The following JAKMIP1 variants were observed in gnomAD, a reference collection of about 807,000 sequenced individuals.
JAKMIP1 encodes the protein janus kinase and microtubule-interacting protein 1.
In JAKMIP1, 33 loss-of-function variants were observed where a neutral mutation model predicts 113.0. That is an observed-to-expected ratio of 0.29 (90% CI 0.22 to 0.39). The LOEUF is 0.39. Among genes scored for constraint, JAKMIP1 ranks in the 10% least tolerant of loss-of-function variants. JAKMIP1 has a pLI of 1.00. For synonymous variants in JAKMIP1, 480 were observed against 459.9 expected, an observed-to-expected ratio of 1.04 and a Z score of -0.56; for missense variants, 813 against 1,080.5, an observed-to-expected ratio of 0.75 and a Z score of 3.47.
chr4:6,072,634 G>A (rs536194684), intron 8 of JAKMIP1, among the ~76,000 whole-genome samples: 41 of 152,332 alleles, frequency 2.7e-4, no homozygotes, highest in African/African-American at 9.4e-4. Context: ...CTCTCTGAGT[G>A]CAGGGCACTG....
intron 13 of JAKMIP1, 21 bp downstream of exon 13, chr4:6,054,029 A>G: frequency 6.2e-7 from 1 of 1,614,252 alleles, no homozygotes; most frequent in South Asian, 1.1e-5. Context: ...TTGAGAGTTT[A>G]CAACAGATAG....
Position 6,054,256 on chromosome 4 carries a change from G to A in JAKMIP1, c.1708-108C>T, listed in dbSNP as rs181845162. The A allele has an allele frequency of 1.2e-4, 125 of 1,063,614 alleles. 1 individual carries two copies. In the African/African-American group the frequency reaches 1.7e-3, roughly 14 times the overall value. The allele number at this position is 1,063,614 out of a possible 1,614,324, so 65.9% of individuals were successfully genotyped here. On this transcript the variant is annotated intron_variant, in intron 12 of 20. Transcript: ENST00000409021. ...GGAGGGAAACAGACGACTGGCCACG[G>A]AGGCAAGGGGCAGGAGAGGGCAGGG...
At position 6,102,612 on chromosome 4, in the gene JAKMIP1, TA is replaced by T. The variant is rs200794396; in HGVS notation, c.624+2860del. Among the ~76,000 whole-genome samples, 880 of 152,284 alleles carry T rather than the reference TA, an allele frequency of 5.8e-3. 14 individuals carry two copies. The highest frequency in any genetic ancestry group is 9.7e-3 in the Non-Finnish European group (662 of 68,030). On this transcript the variant is annotated intron_variant, in intron 3 of 20. Transcript: ENST00000409021. The stretch of plus-strand genomic sequence containing the variant: ...TATATATAAGTTACCCAGTCTGTGT[TA>T]TTTTGTTATAGCAACAGTAATGAAC...
At chr4:6,072,876 C>G (rs1381450212) in intron 8 of JAKMIP1, among the ~76,000 whole-genome samples, 1 of 151,962 alleles carries the variant, frequency 6.6e-6, no homozygotes, top group South Asian at 2.1e-4. Context: ...GTCAGGAGTT[C>G]GAGACCAGCC....
chr4:6,124,186 G>A (rs1217595562), intron 1 of JAKMIP1, among the ~76,000 whole-genome samples: 2 of 152,174 alleles, frequency 1.3e-5, no homozygotes, highest in East Asian at 1.9e-4. Flanking sequence ...CCGTGCGGAC[G>A]GCACCACGTG....
Position 6,142,356 on chromosome 4 carries a change from T to G in JAKMIP1, c.-147-29359A>C, listed in dbSNP as rs550960039. On this transcript the variant is annotated intron_variant, in intron 1 of 20. Coordinates refer to ENST00000409021, the MANE Select transcript of JAKMIP1 (RefSeq NM_001099433.2). This position sits in a 1 kb window ranked among gnomAD's most constrained non-coding sequence, Gnocchi z 5.5. ...GGAAAGGGAGCCCCCGGGAGCTCTG[T>G]GCTTTAAAAGGGCAGTTTCTCGTGT... Among the ~76,000 whole-genome samples the G allele has an allele frequency of 6.6e-6, 1 of 152,324 alleles. No individual in the cohort carries two copies. Among genetic ancestry groups the G allele is most frequent in the South Asian group, 2.1e-4 (1 of 4,828 alleles).
intron 8 of JAKMIP1, among the ~76,000 whole-genome samples, chr4:6,075,226 A>ATT (rs578193040): frequency 1.0e-4 from 15 of 150,628 alleles, no homozygotes; most frequent in Admixed American, 8.6e-4. Context: ...GCAACCATCC[A>ATT]TTTTTTTTTT....
At chr4:6,078,172 G>A (rs900512305) in intron 8 of JAKMIP1, among the ~76,000 whole-genome samples, 5 of 152,194 alleles carry the variant, frequency 3.3e-5, no homozygotes, top group South Asian at 2.1e-4. Context: ...AAATTTAGCC[G>A]GGCGTGGTGG....
Position 6,078,969 on chromosome 4 carries a change from C to A in JAKMIP1, c.1272G>T (p.Arg424Ser), listed in dbSNP as rs1442937230. 1 of 1,614,172 alleles carries A rather than the reference C, an allele frequency of 6.2e-7. No individual in the cohort carries two copies. The highest frequency in any genetic ancestry group is 1.3e-5 in the African/African-American group (1 of 75,054). Residue 424 changes from arginine (R) to serine (S), a missense_variant, in exon 8 of 21, where the codon AGG becomes AGT. Arg to Ser is a moderately radical substitution (Grantham distance 110). Around this residue, in one of 2 missense-constraint regions of JAKMIP1, gnomAD observed 540 missense variants for 653.9 expected, o/e 0.83. Transcript: ENST00000409021. ...GCGGTTTCAGACTTTTCCCTCGATGCCTTTTGGAGCGCAACAGCCGTTCTC... is the reference window on the plus strand; with the variant it reads ...GCGGTTTCAGACTTTTCCCTCGATGACTTTTGGAGCGCAACAGCCGTTCTC... ...LERERLLRSK[R>S]HRGKSLKPPK...
intron 8 of JAKMIP1, among the ~76,000 whole-genome samples, chr4:6,071,240 G>A (rs992471007): frequency 4.6e-5 from 7 of 151,756 alleles, no homozygotes; most frequent in African/African-American, 1.2e-4. Context: ...GCAGACCTGA[G>A]ACAGCTGGGC....
rs1296024914 is a variant in JAKMIP1, at chr4:6,065,434, AG to A, written c.1303-427del. 6.6e-6 allele frequency among the ~76,000 whole-genome samples: 1 copy of A among 152,242 alleles called. No homozygotes were observed. The highest frequency in any genetic ancestry group is 1.5e-5 in the Non-Finnish European group (1 of 68,040). ...CAGCGCACTGGCTGTACCAAGGAGA[AG>A]GGGGACAGGGTCCAGGGAGATGCTC... On this transcript the variant is annotated intron_variant, in intron 8 of 20. Coordinates refer to ENST00000409021, the MANE Select transcript of JAKMIP1 (RefSeq NM_001099433.2). The surrounding 1 kb of genome is among the most constrained non-coding windows in gnomAD (Gnocchi z 5.1).
chr4:6,168,770 T>C lies in JAKMIP1; in HGVS notation c.-148+31483A>G, dbSNP rs543961976. 5.7e-4 allele frequency among the ~76,000 whole-genome samples: 87 copies of C among 151,898 alleles called. No homozygotes were observed. The highest frequency in any genetic ancestry group is 1.1e-3 in the Non-Finnish European group (74 of 67,968). On this transcript the variant is annotated intron_variant, in intron 1 of 20. Transcript: ENST00000409021. The surrounding 1 kb of genome is among the most constrained non-coding windows in gnomAD (Gnocchi z 4.6). ...CAAAAATTAGCCAGGCCTGGTGGCA[T>C]GCCCCTGTGGTCCCAGCTACTTGGG...
chr4:6,052,445 G>C (rs935194305), intron 13 of JAKMIP1, among the ~76,000 whole-genome samples: 1 of 151,964 alleles, frequency 6.6e-6, no homozygotes, highest in African/African-American at 2.4e-5. Flanking sequence ...TCAGGAGTTT[G>C]AGACCAGCCT....
At chr4:6,175,439 T>A (rs1401537589) in intron 1 of JAKMIP1, among the ~76,000 whole-genome samples, 2 of 152,236 alleles carry the variant, frequency 1.3e-5, no homozygotes, top group Non-Finnish European at 2.9e-5. Flanking sequence ...CCATTTTTTC[T>A]TTTTGCAACA....
At position 6,097,087 on chromosome 4, in the gene JAKMIP1, A is replaced by G. The variant is rs952503227; in HGVS notation, c.624+8386T>C. Reference sequence around the variant, plus strand: ...CATGATCGTAGGTCACAGTAGCCTCAATCTGCTGGCTTCAAGCAATCCTCC... The same window carrying G: ...CATGATCGTAGGTCACAGTAGCCTCGATCTGCTGGCTTCAAGCAATCCTCC... On this transcript the variant is annotated intron_variant, in intron 3 of 20. Transcript: ENST00000409021. The surrounding 1 kb of genome is among the most constrained non-coding windows in gnomAD (Gnocchi z 4.3). Among the ~76,000 whole-genome samples, 3 of 152,104 alleles carry G rather than the reference A, an allele frequency of 2.0e-5. No individual in the cohort carries two copies. The highest frequency in any genetic ancestry group is 7.2e-5 in the African/African-American group (3 of 41,426).
chr4:6,196,687 T>C (rs373957051), intron 1 of JAKMIP1, among the ~76,000 whole-genome samples: 18 of 152,076 alleles, frequency 1.2e-4, no homozygotes, highest in South Asian at 2.1e-4. Flanking sequence ...GGTGAAACCC[T>C]GTCTCTACTA....
Position 6,062,451 on chromosome 4 carries a change from T to C in JAKMIP1, c.1432-11A>G. The C allele has an allele frequency of 2.5e-6, 4 of 1,606,618 alleles. No homozygotes were observed. The highest frequency in any genetic ancestry group is 3.4e-6 in the Non-Finnish European group (4 of 1,176,300). On this transcript the variant is annotated splice_polypyrimidine_tract_variant and intron_variant, in intron 9 of 20. Transcript: ENST00000409021. Reference sequence around the variant, plus strand: ...CTCTCGGGCTGTGGCCTTCACATAATGGAGAAGAAAACAAATAATCAAGTG... The same window carrying C: ...CTCTCGGGCTGTGGCCTTCACATAACGGAGAAGAAAACAAATAATCAAGTG...
chr4:6,076,408 T>C lies in JAKMIP1; in HGVS notation c.1302+2531A>G, dbSNP rs984612032. 6.6e-6 allele frequency among the ~76,000 whole-genome samples: 1 copy of C among 151,630 alleles called. No homozygotes were observed. Among genetic ancestry groups the C allele is most frequent in the African/African-American group, 2.4e-5 (1 of 41,298 alleles). Reference sequence around the variant, plus strand: ...TCTCTGAGTTTTTCTATATTATATATATATATGTCTTCTGTAGCTGTAAAA... The same window carrying C: ...TCTCTGAGTTTTTCTATATTATATACATATATGTCTTCTGTAGCTGTAAAA... On this transcript the variant is annotated intron_variant, in intron 8 of 20. Transcript: ENST00000409021. This position sits in a 1 kb window ranked among gnomAD's most constrained non-coding sequence, Gnocchi z 4.8.
At position 6,137,726 on chromosome 4, in the gene JAKMIP1, G is replaced by A. The variant is rs993861557; in HGVS notation, c.-147-24729C>T. On this transcript the variant is annotated intron_variant, in intron 1 of 20. Transcript: ENST00000409021. This position sits in a 1 kb window ranked among gnomAD's most constrained non-coding sequence, Gnocchi z 4.5. The stretch of plus-strand genomic sequence containing the variant: ...GAGCTAGGGCTCTGCACATCACTTA[G>A]GTTCCATCATTCATTCAATTCATCA... Among the ~76,000 whole-genome samples, 1 of 152,226 alleles carries A rather than the reference G, an allele frequency of 6.6e-6. No homozygotes were observed. Among genetic ancestry groups the A allele is most frequent in the Admixed American group, 6.5e-5 (1 of 15,282 alleles).
Sources: allele counts gnomAD v4.1 joint callset (sites outside exome capture counted in the v4.1 genomes callset), GRCh38; gene constraint gnomAD v4.1.1; regional missense constraint gnomAD v4.1.1; non-coding constraint Gnocchi (gnomAD v3.1); transcripts MANE v1.5; gene names NCBI Gene and HGNC (gene_info 2026-07-23, HGNC 2026-07-21).